Variants in ANTXR1 observed in about 807,000 individuals in gnomAD.
ANTXR1 encodes the protein ANTXR cell adhesion molecule 1.
In ANTXR1, 19 loss-of-function variants were observed where a neutral mutation model predicts 78.1. The ratio of observed to expected loss-of-function variants is 0.24; its 90% CI spans 0.17 to 0.36. ANTXR1 has a LOEUF of 0.36. Ranked by LOEUF, ANTXR1 falls within the 10% of genes least tolerant of loss-of-function variation. The pLI, the probability that ANTXR1 is intolerant of heterozygous loss-of-function variation, is 1.00. For missense variants in ANTXR1, 518 were observed against 718.6 expected (o/e 0.72, Z 3.19); for synonymous variants, 273 against 260.5 (o/e 1.05, Z -0.46).
At chr2:69,018,116 G>A (rs1332589140) in intron 1 of ANTXR1, among the ~76,000 whole-genome samples, 1 of 152,040 alleles carries the variant, frequency 6.6e-6, no homozygotes, top group African/African-American at 2.4e-5. Context: ...AGGAGTAAAC[G>A]CTGAGCAGCT....
At position 69,245,228 on chromosome 2, in the gene ANTXR1, C is replaced by A. The variant is rs370351341; in HGVS notation, c.1438C>A (p.Arg480Ser). The A allele has an allele frequency of 3.1e-6, 5 of 1,613,852 alleles. No homozygotes were observed. The highest frequency in any genetic ancestry group is 4.2e-6 in the Non-Finnish European group (5 of 1,180,002). Reference protein sequence around the residue: ...VMRPQPGDTGRCINFTRVKNN... With the variant: ...VMRPQPGDTGSCINFTRVKNN... ...CTTCTCTCCAATTCTTTTCTAGGGG[C>A]GCTGCATCAACTTCACCAGGGTCAA... is the stretch of plus-strand genomic sequence containing the variant. Residue 480 changes from arginine to serine, a missense_variant, in exon 18 of 18, where the codon CGC becomes AGC. By Grantham distance (110) the Arg-to-Ser change is moderately radical (BLOSUM62 -1). Around this residue, in one of 5 missense-constraint regions of ANTXR1, gnomAD observed 192 missense variants for 230.2 expected, o/e 0.83. Coordinates refer to ENST00000303714, the MANE Select transcript of ANTXR1 (RefSeq NM_032208.3).
intron 17 of ANTXR1, among the ~76,000 whole-genome samples, chr2:69,226,253 TCA>T (rs1041735212): frequency 3.3e-5 from 5 of 152,210 alleles, no homozygotes; most frequent in Non-Finnish European, 5.9e-5. Flanking sequence ...CTGTCTGGAT[TCA>T]CAGAGTTTCT....
chr2:69,061,752 TA>T (rs1160200760), intron 3 of ANTXR1, among the ~76,000 whole-genome samples: 1 of 152,206 alleles, frequency 6.6e-6, no homozygotes, highest in Non-Finnish European at 1.5e-5. Flanking sequence ...AAGAGGACTT[TA>T]AAAAATGTTT....
intron 17 of ANTXR1, among the ~76,000 whole-genome samples, chr2:69,202,397 G>A (rs997301798): frequency 5.3e-5 from 8 of 152,140 alleles, no homozygotes; most frequent in African/African-American, 1.4e-4. Context: ...TTAGTGACCC[G>A]AGCTCTGTGG....
At position 69,193,397 on chromosome 2, in the gene ANTXR1, T is replaced by A. The variant is rs374062082; in HGVS notation, c.1416T>A (p.Arg472=). The A allele has an allele frequency of 1.9e-4, 305 of 1,613,118 alleles. No homozygotes were observed. The highest frequency in any genetic ancestry group is 2.0e-4 in the Non-Finnish European group (238 of 1,179,678). The change falls in exon 17 of 18, where the codon CGT becomes CGA. Residue 472 remains arginine (R), a synonymous_variant. Coordinates refer to ENST00000303714, the MANE Select transcript of ANTXR1 (RefSeq NM_032208.3). The part of the protein sequence containing the change: ...RKGYDRVSVM[R]PQPGDTGRCI... ...GATATGATCGTGTGTCTGTGATGCG[T>A]CCACAGCCAGGAGACACGGTAGGAC... is the stretch of plus-strand genomic sequence containing the variant.
At chr2:69,197,735 G>A (rs771737564) in intron 17 of ANTXR1, among the ~76,000 whole-genome samples, 1 of 152,180 alleles carries the variant, frequency 6.6e-6, no homozygotes, top group Non-Finnish European at 1.5e-5. Flanking sequence ...GGTCCAGGAT[G>A]GTCCCCAAGG....
intron 1 of ANTXR1, among the ~76,000 whole-genome samples, chr2:69,035,129 C>A (rs1240544847): frequency 4.0e-5 from 6 of 151,830 alleles, no homozygotes; most frequent in African/African-American, 1.5e-4. Context: ...ATAGACCCAG[C>A]AAATTCATCC....
At chr2:69,066,376 A>G (rs977564924) in intron 3 of ANTXR1, among the ~76,000 whole-genome samples, 2 of 151,840 alleles carry the variant, frequency 1.3e-5, no homozygotes, top group African/African-American at 4.8e-5. Flanking sequence ...GGCTCACTCA[A>G]CCTCTGCCTC....
intron 13 of ANTXR1, among the ~76,000 whole-genome samples, chr2:69,165,719 T>A (rs1573947643): frequency 6.6e-6 from 1 of 152,204 alleles, no homozygotes; most frequent in Admixed American, 6.5e-5. Context: ...GTGGGAAAGG[T>A]GCCCATGTTG....
At chr2:69,014,549 C>T (rs1670966065) in intron 1 of ANTXR1, among the ~76,000 whole-genome samples, 2 of 152,070 alleles carry the variant, frequency 1.3e-5, no homozygotes, top group African/African-American at 4.8e-5. Flanking sequence ...AAGCACTTCC[C>T]AAATCCGCAT....
chr2:69,157,154 C>G (rs775907003), intron 13 of ANTXR1, among the ~76,000 whole-genome samples: 21 of 152,180 alleles, frequency 1.4e-4, no homozygotes, highest in Admixed American at 4.6e-4. Context: ...TTACCTCTTT[C>G]AGCAGTAGGC....
At chr2:69,184,495 G>T (rs1046203645) in intron 16 of ANTXR1, among the ~76,000 whole-genome samples, 5 of 152,202 alleles carry the variant, frequency 3.3e-5, no homozygotes, top group Non-Finnish European at 5.9e-5. Flanking sequence ...GAAGAAAGGG[G>T]ATTTTCTGTT....
intron 14 of ANTXR1, among the ~76,000 whole-genome samples, chr2:69,178,660 CT>C (rs916684007): frequency 1.8e-4 from 28 of 152,206 alleles, no homozygotes; most frequent in Middle Eastern, 3.2e-3. Context: ...CTTCATGCAT[CT>C]TACTATATCC....
chr2:69,143,072 T>C (rs566435914), intron 12 of ANTXR1, among the ~76,000 whole-genome samples: 2 of 152,202 alleles, frequency 1.3e-5, no homozygotes, highest in Admixed American at 6.5e-5. Context: ...AAAAAGTTCA[T>C]GGGCAGGCAA....
intron 12 of ANTXR1, among the ~76,000 whole-genome samples, chr2:69,140,072 G>A (rs1673027746): frequency 6.6e-6 from 1 of 152,180 alleles, no homozygotes; most frequent in African/African-American, 2.4e-5. Flanking sequence ...GGGAAGTGCT[G>A]AATGAATCCA....
chr2:69,072,786 AT>A (rs376305794), intron 5 of ANTXR1, among the ~76,000 whole-genome samples: 1,733 of 152,282 alleles, frequency 0.011, 36 homozygotes, highest in African/African-American at 0.037. Context: ...AGGTTTGGCC[AT>A]TTTTCAAGAT....
intron 17 of ANTXR1, among the ~76,000 whole-genome samples, chr2:69,219,507 T>A (rs1675265507): frequency 6.6e-6 from 1 of 152,070 alleles, no homozygotes; most frequent in Non-Finnish European, 1.5e-5. Context: ...CACCATTTTT[T>A]TGTATTGCTA....
rs1021334089 is a variant in ANTXR1, at chr2:69,145,985, C to T, written c.952-6184C>T. The T allele has an allele frequency of 1.5e-5, 15 of 985,262 alleles. No individual in the cohort carries two copies. The African/African-American group carries it at 2.4e-4, about 16-fold the overall frequency. 61.0% of individuals were successfully genotyped at this position (985,262 alleles called of 1,614,324 possible). ...GCCTTCTCGTCTTAAAAGAGAGGTC[C>T]TCATTTTGTGAGTTGGGAGCAGAGG... On this transcript the variant is annotated intron_variant, in intron 12 of 17. Coordinates refer to ENST00000303714, the MANE Select transcript of ANTXR1 (RefSeq NM_032208.3).
At chr2:69,234,971 G>A (rs1489406570) in intron 17 of ANTXR1, among the ~76,000 whole-genome samples, 5 of 134,580 alleles carry the variant, frequency 3.7e-5, no homozygotes. Flanking sequence ...ACATAGAAAA[G>A]TGAAACTATA....
Sources: gnomAD v4.1 joint callset for allele counts (sites outside exome capture counted in the v4.1 genomes callset) on GRCh38, gnomAD v4.1.1 for gene constraint, gnomAD v4.1.1 regional missense constraint, MANE v1.5 for transcripts, NCBI Gene and HGNC (gene_info 2026-07-23, HGNC 2026-07-21) for gene names.